The following LCK variants were observed in gnomAD, a reference collection of about 807,000 sequenced individuals.
LCK encodes the protein tyrosine-protein kinase Lck.
In LCK, 14 loss-of-function variants were observed where a neutral mutation model predicts 64.6. The ratio of observed to expected loss-of-function variants is 0.22; its 90% CI spans 0.14 to 0.34. The LOEUF (loss-of-function observed/expected upper bound fraction) is 0.34, where lower values mean the gene tolerates loss of function less well. Ranked by LOEUF, LCK falls within the 10% of genes least tolerant of loss-of-function variation. The pLI, the probability that LCK is intolerant of heterozygous loss-of-function variation, is 1.00. For synonymous variants in LCK, 277 were observed against 263.6 expected (o/e 1.05, Z -0.49); for missense variants, 434 against 668.1 (o/e 0.65, Z 3.86).
rs763947457 is a variant in LCK, at chr1:32,279,769, G to T, written c.1041+22G>T. 2.5e-6 allele frequency: 4 copies of T among 1,609,002 alleles called. No homozygotes were observed. In the South Asian group the frequency reaches 4.4e-5, roughly 18 times the overall value. On this transcript the variant is annotated intron_variant, in intron 10 of 12. Transcript: ENST00000336890. ...CCAAGTAAGGAGACTGGGGAGGGGG[G>T]CTGGGCAAGGGAACAGACCAGTGAC...
intron 12 of LCK, among the ~76,000 whole-genome samples, chr1:32,282,635 C>T (rs919573421): frequency 2.6e-5 from 4 of 151,996 alleles, no homozygotes; most frequent in Non-Finnish European, 4.4e-5. Flanking sequence ...GAAACCCTGC[C>T]TCTACTAAAA....
chr1:32,256,363 G>A (rs1001065542), intron 1 of LCK, among the ~76,000 whole-genome samples: 3 of 152,040 alleles, frequency 2.0e-5, no homozygotes, highest in African/African-American at 7.2e-5. Context: ...TTGGGAGGGT[G>A]AGGTGGGTGC....
intron 1 of LCK, among the ~76,000 whole-genome samples, chr1:32,258,790 C>G (rs1265732473): frequency 7.1e-5 from 9 of 127,466 alleles, no homozygotes; most frequent in Middle Eastern, 4.8e-3. Context: ...GGCAACAGTG[C>G]GAGACTCCGT....
At chr1:32,261,619 C>T (rs1420862006) in intron 1 of LCK, among the ~76,000 whole-genome samples, 6 of 141,350 alleles carry the variant, frequency 4.2e-5, no homozygotes, top group African/African-American at 1.6e-4. Flanking sequence ...GCTCCCTAGC[C>T]TGGGCGACAC....
chr1:32,267,781 T>TAA (rs1473017957), intron 1 of LCK, among the ~76,000 whole-genome samples: 10 of 151,070 alleles, frequency 6.6e-5, no homozygotes, highest in African/African-American at 2.2e-4. Flanking sequence ...GTAATCCCAG[T>TAA]TACTTGGGAG....
At chr1:32,269,561 G>A (rs1200698842) in intron 1 of LCK, 1 of 151,436 alleles carries the variant, frequency 6.6e-6, no homozygotes, top group African/African-American at 2.4e-5. Context: ...AGCCTCCCAA[G>A]AAGCTGGGAT....
chr1:32,272,623 AAGAG>A lies in LCK; in HGVS notation c.-5-1679_-5-1676del, dbSNP rs145594259. ...AGAGAGAAAGAGAGAGAGAGAGAGA[AAGAG>A]AGAGAGAGAGAGAGAGAGAGAGCGA... On this transcript the variant is annotated intron_variant, in intron 1 of 12. Transcript: ENST00000336890. 5.7e-3 allele frequency among the ~76,000 whole-genome samples: 700 copies of A among 123,054 alleles called. 2 individuals are homozygous for A. The highest frequency in any genetic ancestry group is 0.013 in the South Asian group (49 of 3,838). The allele number at this position is 123,054 out of a possible 152,430, so 80.7% of individuals were successfully genotyped here. A position where few individuals can be genotyped will look rare whatever the true frequency, so the allele number is the denominator to read the frequency against.
In LCK at chr1:32,283,558, T is replaced by A. The variant is rs544022825; in HGVS notation, c.1328-1956T>A. ...GAGCTATGTTACTGCTGTGATCATG[T>A]AGTTCTCCAGAGCAGCTCTTCTTGG... On this transcript the variant is annotated intron_variant, in intron 12 of 12. Transcript: ENST00000336890. Among the ~76,000 whole-genome samples the A allele has an allele frequency of 9.9e-5, 15 of 152,274 alleles. No homozygotes were observed. The South Asian group carries it at 2.9e-3, about 29-fold the overall frequency.
rs4012161 is a variant in LCK at position 32,251,894 on chromosome 1, A to AAGAGAGAG, written c.-6+559_-6+566dup. The stretch of plus-strand genomic sequence containing the variant: ...CCCCAGTGACAAGAATCTCCTGAGA[A>AAGAGAGAG]AGAGAGAGAGAGAGAGAGAGAGAGA... On this transcript the variant is annotated intron_variant, in intron 1 of 12. Transcript: ENST00000336890. This position sits in a 1 kb window ranked among gnomAD's most constrained non-coding sequence, Gnocchi z 4.0. Among the ~76,000 whole-genome samples the AAGAGAGAG allele has an allele frequency of 4.4e-3, 579 of 132,318 alleles. 5 individuals are homozygous for AAGAGAGAG. Among genetic ancestry groups the AAGAGAGAG allele is most frequent in the African/African-American group, 0.014 (499 of 35,226 alleles). 86.8% of individuals were successfully genotyped at this position (132,318 alleles called of 152,430 possible).
At chr1:32,282,106 G>A (rs996677976) in intron 12 of LCK, among the ~76,000 whole-genome samples, 1 of 152,156 alleles carries the variant, frequency 6.6e-6, no homozygotes, top group Non-Finnish European at 1.5e-5. Context: ...GGAAACAGGT[G>A]AAAAGCTGAG....
intron 9 of LCK, 52 bp from the exon 10 acceptor site, chr1:32,279,619 G>C (rs978231820): frequency 1.2e-6 from 2 of 1,613,592 alleles, no homozygotes; most frequent in Non-Finnish European, 1.7e-6. Flanking sequence ...GAAAGGTCTG[G>C]GGGCCTCCCC....
At chr1:32,278,325 G>A (rs1328736700) in intron 9 of LCK, among the ~76,000 whole-genome samples, 3 of 151,990 alleles carry the variant, frequency 2.0e-5, no homozygotes, top group African/African-American at 7.3e-5. Flanking sequence ...AATGGGAAAT[G>A]GCAAATAGAT....
rs367950195 is a variant in LCK, at chr1:32,267,212, G to A, written c.-5-7113G>A. 3.9e-5 allele frequency among the ~76,000 whole-genome samples: 6 copies of A among 152,134 alleles called. No homozygotes were observed. The South Asian group carries it at 6.2e-4, about 16-fold the overall frequency. ...TTGCAGTCACAGATGGGTGCACTCT[G>A]GTCTAGCAGGATTTCCCAAATGTCC... On this transcript the variant is annotated intron_variant, in intron 1 of 12. Coordinates refer to ENST00000336890, the MANE Select transcript of LCK (RefSeq NM_005356.5).
At chr1:32,273,715 A>G (rs1217214935) in intron 1 of LCK, among the ~76,000 whole-genome samples, 3 of 152,140 alleles carry the variant, frequency 2.0e-5, no homozygotes, top group Non-Finnish European at 2.9e-5. Flanking sequence ...GTTATGGCCA[A>G]CAGAGTCACT....
chr1:32,285,521 C>A lies in LCK; in HGVS notation c.1335C>A (p.Thr445=). 6.2e-7 allele frequency: 1 copy of A among 1,614,140 alleles called. No homozygotes were observed. Among genetic ancestry groups the A allele is most frequent in the South Asian group, 1.1e-5 (1 of 91,070 alleles). The change falls in exon 13 of 13, where the codon ACC becomes ACA. Residue 445 remains threonine (T), a synonymous_variant. Transcript: ENST00000336890. The stretch of plus-strand genomic sequence containing the variant: ...TCACCCATCAACCCGTAGGGATGAC[C>A]AACCCGGAGGTGATTCAGAACCTGG... ...THGRIPYPGM[T]NPEVIQNLER...
chr1:32,283,339 C>G (rs1640518811), intron 12 of LCK, among the ~76,000 whole-genome samples: 1 of 151,514 alleles, frequency 6.6e-6, no homozygotes, highest in African/African-American at 2.4e-5. Context: ...GGCAGAGGCT[C>G]CCTTGTACAA....
At chr1:32,255,464 C>T (rs1162186253) in intron 1 of LCK, among the ~76,000 whole-genome samples, 4 of 152,160 alleles carry the variant, frequency 2.6e-5, no homozygotes, top group African/African-American at 4.8e-5. Context: ...GATGTCTTTC[C>T]GTGTCAATAC....
At chr1:32,273,282 G>A (rs556930996) in intron 1 of LCK, among the ~76,000 whole-genome samples, 1 of 150,130 alleles carries the variant, frequency 6.7e-6, no homozygotes, top group African/African-American at 2.5e-5. Flanking sequence ...AGGGGTGAGT[G>A]TGTGTGTTTA....
chr1:32,275,012 G>T lies in LCK; in HGVS notation c.207G>T (p.Leu69=). The change falls in exon 4 of 13, where the codon CTG becomes CTT. Residue 69 remains leucine (L), a synonymous_variant. Coordinates refer to ENST00000336890, the MANE Select transcript of LCK (RefSeq NM_005356.5). The surrounding 1 kb of genome is among the most constrained non-coding windows in gnomAD (Gnocchi z 6.9). ...SPLQDNLVIA[L]HSYEPSHDGD... Reference sequence around the variant, plus strand: ...TTACAGACAACCTGGTTATCGCTCTGCACAGCTATGAGCCCTCTCACGACG... The same window carrying T: ...TTACAGACAACCTGGTTATCGCTCTTCACAGCTATGAGCCCTCTCACGACG... The T allele has an allele frequency of 6.2e-7, 1 of 1,614,190 alleles. No homozygotes were observed. Among genetic ancestry groups the T allele is most frequent in the Non-Finnish European group, 8.5e-7 (1 of 1,180,028 alleles).
Sources: allele counts gnomAD v4.1 joint callset (sites outside exome capture counted in the v4.1 genomes callset), GRCh38; gene constraint gnomAD v4.1.1; non-coding constraint Gnocchi (gnomAD v3.1); transcripts MANE v1.5; gene names NCBI Gene and HGNC (gene_info 2026-07-23, HGNC 2026-07-21).